LYST: variants seen among roughly 807,000 people sequenced by gnomAD.
LYST encodes the protein lysosomal-trafficking regulator.
A neutral mutation model predicts 413.6 loss-of-function variants in LYST; 192 were observed. The ratio of observed to expected loss-of-function variants is 0.46; its 90% CI spans 0.41 to 0.52. LYST has a LOEUF of 0.52. Ranked by LOEUF, LYST falls within the 20% of genes least tolerant of loss-of-function variation. The probability of loss-of-function intolerance (pLI) is 0.00; values close to 1 mark genes in which losing one functional copy is unlikely to be tolerated. For synonymous variants in LYST, 1,525 were observed against 1,567.3 expected, an observed-to-expected ratio of 0.97 and a Z score of 0.64; for missense variants, 3,815 against 4,499.9, an observed-to-expected ratio of 0.85 and a Z score of 4.35.
intron 3 of LYST, among the ~76,000 whole-genome samples, chr1:235,820,823 T>C (rs570149808): frequency 3.5e-4 from 53 of 152,228 alleles, no homozygotes; most frequent in Non-Finnish European, 6.2e-4. Context: ...TATATGTGTA[T>C]ATACACATAT....
intron 40 of LYST, among the ~76,000 whole-genome samples, chr1:235,720,286 T>C (rs1663247842): frequency 6.7e-6 from 1 of 150,018 alleles, no homozygotes; most frequent in Non-Finnish European, 1.5e-5. Flanking sequence ...TAAAAAGCTA[T>C]CTTTGAGAGA....
At chr1:235,718,329 G>A (rs1173935254) in intron 40 of LYST, among the ~76,000 whole-genome samples, 1 of 151,418 alleles carries the variant, frequency 6.6e-6, no homozygotes, top group Admixed American at 6.6e-5. Context: ...TACACACCCA[G>A]ATGTTTTTGT....
chr1:235,738,467 C>T (rs1195385198), intron 31 of LYST: 16 of 1,611,798 alleles, frequency 9.9e-6, no homozygotes, highest in South Asian at 3.3e-5. Context: ...TTCCCAAAAA[C>T]CATGTTATTG....
Position 235,855,526 on chromosome 1 carries a change from C to T in LYST, c.-98+11317G>A, listed in dbSNP as rs113374433. ...TCATACTGTTAAAGATAATCCAAAG[C>T]ATACAGTTTAAAAGTTCTTGAAAAT... is the stretch of plus-strand genomic sequence containing the variant. On this transcript the variant is annotated intron_variant, in intron 1 of 52. Transcript: ENST00000389793. 9.8e-3 allele frequency among the ~76,000 whole-genome samples: 1,491 copies of T among 152,178 alleles called. 37 individuals are homozygous for T. The highest frequency in any genetic ancestry group is 0.032 in the African/African-American group (1,347 of 41,526).
intron 47 of LYST, 122 bp from the exon 48 acceptor site, chr1:235,687,169 C>T: frequency 1.4e-6 from 1 of 729,422 alleles, no homozygotes; most frequent in Non-Finnish European, 2.3e-6. Flanking sequence ...TTTTTTAACT[C>T]TCAAAAATGT....
intron 16 of LYST, among the ~76,000 whole-genome samples, chr1:235,779,217 A>T (rs558932838): frequency 6.6e-6 from 1 of 152,256 alleles, no homozygotes; most frequent in East Asian, 1.9e-4. Context: ...TAACTCCCAA[A>T]TTACTAAATC....
At chr1:235,804,773 T>C in intron 6 of LYST, 108 bp from the exon 7 acceptor site, 1 of 711,038 alleles carries the variant, frequency 1.4e-6, no homozygotes, top group Non-Finnish European at 2.3e-6. Flanking sequence ...AATCCATTTA[T>C]TTGCAGTTGA....
In LYST at chr1:235,791,874, G is replaced by A. The variant is rs1558250964; in HGVS notation, c.4368C>T (p.Val1456=). The A allele has an allele frequency of 6.2e-7, 1 of 1,614,074 alleles. No homozygotes were observed. Among genetic ancestry groups the A allele is most frequent in the Non-Finnish European group, 8.5e-7 (1 of 1,179,972 alleles). Reference sequence around the variant, plus strand: ...AGTTTTGCCCCAGCAACGGCAGGTGGACTGGGGCTATGTGCCAAGATGAAA... The same window carrying A: ...AGTTTTGCCCCAGCAACGGCAGGTGAACTGGGGCTATGTGCCAAGATGAAA... ...RLLSSWHIAP[V]HLPLLGQNCW... The change falls in exon 12 of 53, where the codon GTC becomes GTT. Residue 1456 remains valine, a synonymous_variant. Transcript: ENST00000389793.
intron 27 of LYST, 62 bp from the exon 28 acceptor site, chr1:235,751,424 T>G (rs1270828622): frequency 2.3e-6 from 3 of 1,321,184 alleles, no homozygotes; most frequent in African/African-American, 1.4e-5. Flanking sequence ...TTAATTGAAC[T>G]GATTTTATGT....
chr1:235,730,809 A>C, intron 36 of LYST, 38 bp downstream of exon 36: 1 of 1,152,290 alleles, frequency 8.7e-7, no homozygotes, highest in Non-Finnish European at 1.3e-6. Context: ...GCTGTTGTAT[A>C]TTCATGAAAG....
chr1:235,830,141 T>C (rs975313418), intron 3 of LYST, 85 bp downstream of exon 3: 33 of 1,043,938 alleles, frequency 3.2e-5, no homozygotes, highest in Admixed American at 2.3e-4. Context: ...CAAGGAGGCT[T>C]CAGAAACTAT....
intron 21 of LYST, among the ~76,000 whole-genome samples, chr1:235,765,841 ATT>A (rs113006318): frequency 6.8e-6 from 1 of 146,224 alleles, no homozygotes; most frequent in Non-Finnish European, 1.5e-5. Context: ...CCAAATACAC[ATT>A]TTTTTTTTTT....
intron 30 of LYST, among the ~76,000 whole-genome samples, chr1:235,743,027 T>C (rs1049385058): frequency 2.7e-5 from 4 of 150,774 alleles, no homozygotes; most frequent in Non-Finnish European, 5.9e-5. Context: ...TAGGTATGTA[T>C]GTATGTGAAA....
At chr1:235,734,027 G>C (rs1367353205) in intron 32 of LYST, 121 bp from the exon 33 acceptor site, 1 of 564,990 alleles carries the variant, frequency 1.8e-6, no homozygotes. Context: ...TTGTCCCTAG[G>C]AGACCAGAAT....
Position 235,686,955 on chromosome 1 carries a change from G to C in LYST, c.10794C>G (p.Ser3598Arg). 3 of 1,613,724 alleles carry C rather than the reference G, an allele frequency of 1.9e-6. No homozygotes were observed. The highest frequency in any genetic ancestry group is 1.7e-6 in the Non-Finnish European group (2 of 1,179,644). ...ACAGAAGCCCAGAACCTACCGTGCT[G>C]CTTGTAAATCTGTTTGTGTAGGCTG... The part of the protein sequence containing the change: ...VITAYTNRFT[S>R]STPSEIEMET... The change falls in exon 48 of 53, where the codon AGC becomes AGG. Residue 3598 changes from serine to arginine, a missense_variant. Ser to Arg is a moderately radical substitution (Grantham distance 110, BLOSUM62 -1). This residue lies in a region of LYST where 866 missense variants were observed against 1,156.0 expected (regional missense o/e 0.75). Coordinates refer to ENST00000389793, the MANE Select transcript of LYST (RefSeq NM_000081.4). This position sits in a 1 kb window ranked among gnomAD's most constrained non-coding sequence, Gnocchi z 4.0.
Position 235,813,028 on chromosome 1 carries a change from G to A in LYST, c.226C>T (p.Leu76Phe), listed in dbSNP as rs1558289247. Reference protein sequence around the residue: ...LTCREELLTLLLSLLPLVWKI... With the variant: ...LTCREELLTLFLSLLPLVWKI... ...CATACCAGTGGAAGGAGAGACAGAA[G>A]AAGAGTCAGGAGTTCTTCTCTACAT... Residue 76 changes from leucine to phenylalanine, a missense_variant, in exon 4 of 53, where the codon CTT (leucine) becomes TTT (phenylalanine). By Grantham distance (22) the Leu-to-Phe change is conservative (BLOSUM62 0). Coordinates refer to ENST00000389793, the MANE Select transcript of LYST (RefSeq NM_000081.4). 6.2e-7 allele frequency: 1 copy of A among 1,611,586 alleles called. No individual in the cohort carries two copies. Among genetic ancestry groups the A allele is most frequent in the Non-Finnish European group, 8.5e-7 (1 of 1,177,858 alleles).
chr1:235,809,803 C>T lies in LYST; in HGVS notation c.1015G>A (p.Val339Ile), dbSNP rs1411646831. 1.9e-6 allele frequency: 3 copies of T among 1,613,884 alleles called. No individual in the cohort carries two copies. The highest frequency in any genetic ancestry group is 1.7e-6 in the Non-Finnish European group (2 of 1,179,988). ...RTVLHLLSVD[V>I]STAEMMPENL... Reference sequence around the variant, plus strand: ...TCTGGCATCATCTCTGCAGTACTAACATCTACTGACAGAAGATGCAACACT... The same window carrying T: ...TCTGGCATCATCTCTGCAGTACTAATATCTACTGACAGAAGATGCAACACT... The change falls in exon 5 of 53, where the codon GTT becomes ATT. Residue 339 changes from valine (V) to isoleucine (I), a missense_variant. Val to Ile is a conservative substitution (Grantham distance 29). This residue lies in a region of LYST where 1,648 missense variants were observed against 1,810.3 expected (regional missense o/e 0.91). Coordinates refer to ENST00000389793, the MANE Select transcript of LYST (RefSeq NM_000081.4). The surrounding 1 kb of genome is among the most constrained non-coding windows in gnomAD (Gnocchi z 4.0).
chr1:235,762,291 A>T (rs896183998), intron 22 of LYST, among the ~76,000 whole-genome samples: 1 of 152,182 alleles, frequency 6.6e-6, no homozygotes, highest in Non-Finnish European at 1.5e-5. Flanking sequence ...ATTCTTGATG[A>T]TGATAAAGTC....
intron 1 of LYST, among the ~76,000 whole-genome samples, chr1:235,835,337 C>T (rs760970189): frequency 1.3e-5 from 2 of 152,174 alleles, no homozygotes; most frequent in Admixed American, 6.5e-5. Context: ...GCTCTGACTA[C>T]TACCACCCTC....
Sources: gnomAD v4.1 joint callset for allele counts (sites outside exome capture counted in the v4.1 genomes callset) on GRCh38, gnomAD v4.1.1 for gene constraint, gnomAD v4.1.1 regional missense constraint, Gnocchi (gnomAD v3.1) non-coding constraint, MANE v1.5 for transcripts, NCBI Gene and HGNC (gene_info 2026-07-23, HGNC 2026-07-21) for gene names.